Variants in EPHB6 observed in about 807,000 individuals in gnomAD.
EPHB6 encodes the protein EPH receptor B6.
A neutral mutation model predicts 107.0 loss-of-function variants in EPHB6; 51 were observed. That is an observed-to-expected ratio of 0.48 (90% CI 0.38 to 0.60). The LOEUF (loss-of-function observed/expected upper bound fraction) is 0.60. Among genes scored for constraint, EPHB6 ranks in the 20% least tolerant of loss-of-function variants. EPHB6 has a pLI of 0.00. For synonymous variants in EPHB6, 553 were observed against 549.0 expected, an observed-to-expected ratio of 1.01 and a Z score of -0.10; for missense variants, 1,141 against 1,355.5, an observed-to-expected ratio of 0.84 and a Z score of 2.48.
chr7:142,857,957 G>A (rs1363396639), intron 1 of EPHB6, among the ~76,000 whole-genome samples: 1 of 152,162 alleles, frequency 6.6e-6, no homozygotes, highest in Non-Finnish European at 1.5e-5. Flanking sequence ...TCTTATAGAT[G>A]AACATTTCTT....
Position 142,866,288 on chromosome 7 carries a change from A to G in EPHB6, c.1434A>G (p.Ala478=). Residue 478 remains alanine (A), a synonymous_variant, in exon 9 of 20, where the codon GCA becomes GCG. Coordinates refer to ENST00000652003, the MANE Select transcript of EPHB6 (RefSeq NM_004445.6). This position sits in a 1 kb window ranked among gnomAD's most constrained non-coding sequence, Gnocchi z 5.2. ...TCAGCCCTGACCCTCCTCAGGCTGC[A>G]GCCATCAATGTCAGCACCAGCCATG... is the stretch of plus-strand genomic sequence containing the variant. ...SELSPDPPQA[A]AINVSTSHEV... 6.2e-7 allele frequency: 1 copy of G among 1,613,984 alleles called. No homozygotes were observed. The highest frequency in any genetic ancestry group is 8.5e-7 in the Non-Finnish European group (1 of 1,180,006).
In EPHB6 at chr7:142,869,036, C is replaced by T; in HGVS notation, c.2349C>T (p.Ala783=). ...CCATGCAGCGGGGAGTGGCTGCTGC[C>T]ATGCAGTACCTGTCCAGCTTTGCCT... is the stretch of plus-strand genomic sequence containing the variant. ...LVAMQRGVAA[A]MQYLSSFAFV... The change falls in exon 16 of 20, where the codon GCC becomes GCT. Residue 783 remains alanine (A), a synonymous_variant. Transcript: ENST00000652003. This position sits in a 1 kb window ranked among gnomAD's most constrained non-coding sequence, Gnocchi z 4.5. 1 of 1,612,950 alleles carries T rather than the reference C, an allele frequency of 6.2e-7. No homozygotes were observed. Among genetic ancestry groups the T allele is most frequent in the Non-Finnish European group, 8.5e-7 (1 of 1,179,964 alleles).
At position 142,869,142 on chromosome 7, in the gene EPHB6, C is replaced by T; in HGVS notation, c.2455C>T (p.Pro819Ser). 1.9e-6 allele frequency: 3 copies of T among 1,612,876 alleles called. No individual in the cohort carries two copies. The South Asian group carries it at 3.3e-5, about 18-fold the overall frequency. Residue 819 changes from proline (P) to serine (S), a missense_variant, in exon 16 of 20, where the codon CCT (proline) becomes TCT (serine). Pro to Ser is a moderately conservative substitution (Grantham distance 74). Coordinates refer to ENST00000652003, the MANE Select transcript of EPHB6 (RefSeq NM_004445.6). The surrounding 1 kb of genome is among the most constrained non-coding windows in gnomAD (Gnocchi z 4.5). The stretch of plus-strand genomic sequence containing the variant: ...CAAGGTGGCCCGTCTTGGCCACAGT[C>T]CTCAGGTGAGAGCACAGCCTTGGGG... ...VCKVARLGHS[P>S]QGPSCLLRWA...
In EPHB6 at chr7:142,868,729, G is replaced by A. The variant is rs1197613059; in HGVS notation, c.2276G>A (p.Ser759Asn). 1.2e-6 allele frequency: 2 copies of A among 1,613,842 alleles called. No individual in the cohort carries two copies. The highest frequency in any genetic ancestry group is 3.3e-5 in the Admixed American group (2 of 60,010). ...TTCATGGAGCTTGGCCCCCTGGACA[G>A]CTTCCTCAGGGTCAGTCCAGCCTGG... is the stretch of plus-strand genomic sequence containing the variant. ...TEFMELGPLD[S>N]FLRQREGQFS... The change falls in exon 15 of 20, where the codon AGC becomes AAC. Residue 759 changes from serine to asparagine, a missense_variant. Coordinates refer to ENST00000652003, the MANE Select transcript of EPHB6 (RefSeq NM_004445.6). This position sits in a 1 kb window ranked among gnomAD's most constrained non-coding sequence, Gnocchi z 4.2.
chr7:142,865,780 C>T, intron 8 of EPHB6, 150 bp downstream of exon 8: 2 of 1,208,758 alleles, frequency 1.7e-6, no homozygotes, highest in Non-Finnish European at 1.2e-6. Flanking sequence ...TCCCCACCCC[C>T]TTCTCTCCCT....
rs926297288 is a variant in EPHB6, at chr7:142,870,931, T to G, written c.*27T>G. ...AATGACGATACCCGTGACTCAGCCC[T>G]GGACACTGGTCCGAGAAGGGACATG... On this transcript the variant is annotated 3_prime_UTR_variant, in exon 20 of 20. Transcript: ENST00000652003. The G allele has an allele frequency of 6.3e-7, 1 of 1,599,196 alleles. No homozygotes were observed. The highest frequency in any genetic ancestry group is 8.5e-7 in the Non-Finnish European group (1 of 1,173,212).
intron 1 of EPHB6, among the ~76,000 whole-genome samples, chr7:142,859,302 C>T (rs890234270): frequency 3.3e-5 from 5 of 152,200 alleles, no homozygotes; most frequent in African/African-American, 1.2e-4. Context: ...AGAAGATGCT[C>T]CATGCCCACA....
chr7:142,868,279 G>T lies in EPHB6; in HGVS notation c.1957G>T (p.Glu653Ter), dbSNP rs1201600721. ...VKYYIDPSTY[E>*]DPCQAIRELA... ...GTATTACATCGACCCCTCCACCTAC[G>T]AGGACCCCTGTCAGGCCATCCGAGA... Residue 653 changes from glutamate (E) to a stop codon, truncating the protein, a stop_gained, in exon 14 of 20, where the codon GAG becomes TAG. Coordinates refer to ENST00000652003, the MANE Select transcript of EPHB6 (RefSeq NM_004445.6). LOFTEE classifies it high-confidence loss of function. The surrounding 1 kb of genome is among the most constrained non-coding windows in gnomAD (Gnocchi z 4.2). The T allele has an allele frequency of 1.9e-6, 3 of 1,613,956 alleles. No individual in the cohort carries two copies. In the South Asian group the frequency reaches 3.3e-5, roughly 18 times the overall value.
rs773308911 is a variant in EPHB6, at chr7:142,870,543, C to T, written c.2818C>T (p.Leu940Phe). Residue 940 changes from leucine to phenylalanine, a missense_variant, in exon 19 of 20, where the codon CTT becomes TTT. Leu to Phe is a conservative substitution (Grantham distance 22). This residue lies in a region of EPHB6 where 616 missense variants were observed against 759.3 expected (regional missense o/e 0.81). Coordinates refer to ENST00000652003, the MANE Select transcript of EPHB6 (RefSeq NM_004445.6). ...GDPGERPSQA[L>F]LTPVALDFPC... ...CTCCCCTCTTAGGCCTTCCCAGGCC[C>T]TTCTGACCCCTGTGGCCCTGGACTT... is the stretch of plus-strand genomic sequence containing the variant. 4.3e-6 allele frequency: 7 copies of T among 1,614,148 alleles called. No homozygotes were observed. In the Admixed American group the frequency reaches 1.0e-4, roughly 23 times the overall value.
At chr7:142,862,496 C>CACTG (rs1203711337) in intron 3 of EPHB6, among the ~76,000 whole-genome samples, 1 of 152,184 alleles carries the variant, frequency 6.6e-6, no homozygotes, top group African/African-American at 2.4e-5. Flanking sequence ...CCCCTCCCTG[C>CACTG]ACTGTCTCAT....
chr7:142,860,931 C>A (rs1439021679), intron 1 of EPHB6, 121 bp from the exon 2 acceptor site: 1 of 152,024 alleles, frequency 6.6e-6, no homozygotes, highest in African/African-American at 2.4e-5. Flanking sequence ...AATCCCAAGG[C>A]CATATATATC....
At chr7:142,864,859 A>G in intron 7 of EPHB6, 110 bp downstream of exon 7, 2 of 1,368,494 alleles carry the variant, frequency 1.5e-6, no homozygotes, top group Non-Finnish European at 2.0e-6. Context: ...GGTCAGGAAT[A>G]AGCCATCTTA....
intron 6 of EPHB6, 108 bp downstream of exon 6, chr7:142,863,803 G>C: frequency 1.5e-5 from 23 of 1,488,502 alleles, no homozygotes; most frequent in Non-Finnish European, 2.2e-5. Flanking sequence ...ATGGGAAAAG[G>C]ATCCCTCCCT....
chr7:142,856,676 C>A (rs1486812308), intron 1 of EPHB6, among the ~76,000 whole-genome samples: 3 of 152,120 alleles, frequency 2.0e-5, no homozygotes, highest in Non-Finnish European at 4.4e-5. Flanking sequence ...CCACTCCTCC[C>A]CGCCCCCCAC....
At chr7:142,863,716 G>C in intron 6 of EPHB6, 21 bp downstream of exon 6, 1 of 1,612,748 alleles carries the variant, frequency 6.2e-7, no homozygotes, top group East Asian at 2.2e-5. Flanking sequence ...CTCTAATTCT[G>C]AACCTGAATC....
rs1802567693 is a variant in EPHB6 at position 142,855,624 on chromosome 7, T to C, written c.-432+239T>C. On this transcript the variant is annotated intron_variant, in intron 1 of 19. Coordinates refer to ENST00000652003, the MANE Select transcript of EPHB6 (RefSeq NM_004445.6). The surrounding 1 kb of genome is among the most constrained non-coding windows in gnomAD (Gnocchi z 4.2). ...TGGCATCATTGACACCGCATTACCC[T>C]TGCTGTTAGGATCCCCCAGTTGCGT... Among the ~76,000 whole-genome samples the C allele has an allele frequency of 6.6e-6, 1 of 152,122 alleles. No homozygotes were observed. Among genetic ancestry groups the C allele is most frequent in the South Asian group, 2.1e-4 (1 of 4,824 alleles).
rs370928860 is a variant in EPHB6 at position 142,866,998 on chromosome 7, G to A, written c.1680G>A (p.Gln560=). 3.1e-6 allele frequency: 5 copies of A among 1,613,964 alleles called. No individual in the cohort carries two copies. In the African/African-American group the frequency reaches 5.3e-5, roughly 17 times the overall value. ...QLSPGHIYGF[Q]VRARTAAGHG... ...GCCCTGGCCACATCTATGGTTTCCA[G>A]GTGCGGGCCCGGACTGCTGCCGGCC... The change falls in exon 11 of 20, where the codon CAG becomes CAA. Residue 560 remains glutamine (Q), a synonymous_variant. Coordinates refer to ENST00000652003, the MANE Select transcript of EPHB6 (RefSeq NM_004445.6). This position sits in a 1 kb window ranked among gnomAD's most constrained non-coding sequence, Gnocchi z 5.2.
chr7:142,867,590 T>C lies in EPHB6; in HGVS notation c.1751-18T>C. On this transcript the variant is annotated intron_variant, in intron 11 of 19. Transcript: ENST00000652003. This position sits in a 1 kb window ranked among gnomAD's most constrained non-coding sequence, Gnocchi z 5.3. ...GAGAGACCTGGCCCACCTGTGACCC[T>C]GTCGGCTGGTCCCCCAGGGGAGCTG... 1 of 1,603,398 alleles carries C rather than the reference T, an allele frequency of 6.2e-7. No homozygotes were observed. The highest frequency in any genetic ancestry group is 1.1e-5 in the South Asian group (1 of 89,032).
At position 142,863,972 on chromosome 7, in the gene EPHB6, G is replaced by A. The variant is rs776478976; in HGVS notation, c.172G>A (p.Glu58Lys). 11 of 1,614,110 alleles carry A rather than the reference G, an allele frequency of 6.8e-6. No homozygotes were observed. The highest frequency in any genetic ancestry group is 2.2e-5 in the East Asian group (1 of 44,894). ...WLTYPPGGWD[E>K]VSVLDDQRRL... ...CTCCTGGCCCTTCCTGCAGTGGGAC[G>A]AGGTGAGTGTTCTGGACGACCAGCG... The change falls in exon 7 of 20, where the codon GAG (glutamate) becomes AAG (lysine). Residue 58 changes from glutamate to lysine, a missense_variant. This residue lies in a region of EPHB6 where 221 missense variants were observed against 300.5 expected (regional missense o/e 0.74). Coordinates refer to ENST00000652003, the MANE Select transcript of EPHB6 (RefSeq NM_004445.6).
Sources: allele counts gnomAD v4.1 joint callset (sites outside exome capture counted in the v4.1 genomes callset), GRCh38; gene constraint gnomAD v4.1.1; regional missense constraint gnomAD v4.1.1; non-coding constraint Gnocchi (gnomAD v3.1); transcripts MANE v1.5; gene names NCBI Gene and HGNC (gene_info 2026-07-23, HGNC 2026-07-21).